The following SEMA6D variants were observed in gnomAD, a reference collection of about 807,000 sequenced individuals.
SEMA6D encodes the protein semaphorin-6D.
A neutral mutation model predicts 106.6 loss-of-function variants in SEMA6D; 35 were observed. The observed-to-expected ratio is 0.33, with a 90% CI of 0.25 to 0.44. The LOEUF (loss-of-function observed/expected upper bound fraction) is 0.44. SEMA6D is among the 20% of genes least tolerant of loss of function. The pLI is 1.00. For synonymous variants in SEMA6D, 499 were observed against 487.7 expected (o/e 1.02, Z -0.31); for missense variants, 1,185 against 1,345.9 (o/e 0.88, Z 1.87).
chr15:47,244,474 T>G (rs1488753515), intron 1 of SEMA6D, among the ~76,000 whole-genome samples: 1 of 152,188 alleles, frequency 6.6e-6, no homozygotes, highest in Non-Finnish European at 1.5e-5. Context: ...CTTACAGATA[T>G]GATCTCATTT....
chr15:47,596,506 G>A (rs1379357113), intron 3 of SEMA6D, among the ~76,000 whole-genome samples: 5 of 151,984 alleles, frequency 3.3e-5, no homozygotes, highest in African/African-American at 1.2e-4. Context: ...AAAGCTGGAG[G>A]CATCACACTA....
chr15:47,287,743 C>T (rs1267119572), intron 1 of SEMA6D, among the ~76,000 whole-genome samples: 2 of 152,182 alleles, frequency 1.3e-5, no homozygotes, highest in Admixed American at 1.3e-4. Flanking sequence ...CACTTATTCA[C>T]ATTCACTTCA....
intron 1 of SEMA6D, among the ~76,000 whole-genome samples, chr15:47,349,358 T>G (rs1216221817): frequency 6.6e-6 from 1 of 152,210 alleles, no homozygotes; most frequent in Non-Finnish European, 1.5e-5. Flanking sequence ...GAGGCACTTT[T>G]GTTTATTTGT....
chr15:47,387,340 C>T (rs1481312868), intron 1 of SEMA6D, among the ~76,000 whole-genome samples: 1 of 152,186 alleles, frequency 6.6e-6, no homozygotes, highest in African/African-American at 2.4e-5. Flanking sequence ...TTATACTCTG[C>T]TAGTGAAACA....
intron 2 of SEMA6D, among the ~76,000 whole-genome samples, chr15:47,454,599 GCACA>G (rs71118183): frequency 0.28 from 41,874 of 148,836 alleles, 6,149 homozygotes; most frequent in Middle Eastern, 0.44. Flanking sequence ...TTGCACATGT[GCACA>G]CACACACACA....
chr15:47,601,972 T>C (rs556002295), intron 4 of SEMA6D, among the ~76,000 whole-genome samples: 6 of 152,296 alleles, frequency 3.9e-5, no homozygotes, highest in South Asian at 2.1e-4. Context: ...TGTTTGTACA[T>C]AATAAGCAGA....
intron 3 of SEMA6D, among the ~76,000 whole-genome samples, chr15:47,591,317 A>C (rs1259633568): frequency 6.6e-6 from 1 of 152,228 alleles, no homozygotes; most frequent in Admixed American, 6.5e-5. Context: ...TTGGGGATTC[A>C]GTTCCAACAT....
intron 3 of SEMA6D, among the ~76,000 whole-genome samples, chr15:47,491,743 A>T (rs895848247): frequency 6.6e-6 from 1 of 152,222 alleles, no homozygotes; most frequent in African/African-American, 2.4e-5. Flanking sequence ...TAACTTGAGA[A>T]TATAAATATT....
intron 1 of SEMA6D, among the ~76,000 whole-genome samples, chr15:47,733,450 G>C (rs1052975035): frequency 1.3e-5 from 2 of 152,170 alleles, no homozygotes; most frequent in Non-Finnish European, 2.9e-5. Flanking sequence ...TCTACTGTCA[G>C]TGTTTTCTAG....
chr15:47,368,564 G>A (rs965720653), intron 1 of SEMA6D, among the ~76,000 whole-genome samples: 1 of 151,820 alleles, frequency 6.6e-6, no homozygotes, highest in Non-Finnish European at 1.5e-5. Flanking sequence ...TCCGCCTCCC[G>A]GGTTCACGCC....
At chr15:47,426,035 A>G (rs2041326228) in intron 2 of SEMA6D, among the ~76,000 whole-genome samples, 1 of 152,100 alleles carries the variant, frequency 6.6e-6, no homozygotes, top group African/African-American at 2.4e-5. Context: ...GTTATGCTCT[A>G]TATACTAATA....
At chr15:47,571,166 T>C (rs2046371018) in intron 3 of SEMA6D, among the ~76,000 whole-genome samples, 1 of 152,114 alleles carries the variant, frequency 6.6e-6, no homozygotes, top group African/African-American at 2.4e-5. Context: ...GACAGGGTCA[T>C]AAGTTCACTT....
In SEMA6D at chr15:47,620,685, G is replaced by C. The variant is rs2077081734; in HGVS notation, c.-55+19789G>C. 2.0e-5 allele frequency among the ~76,000 whole-genome samples: 3 copies of C among 146,458 alleles called. No homozygotes were observed. In the South Asian group the frequency reaches 6.8e-4, roughly 33 times the overall value. On this transcript the variant is annotated intron_variant, in intron 4 of 19. Coordinates refer to the SEMA6D transcript ENST00000558014. ...TCGTTGTGGCTGAGGGGTTTCACTT[G>C]CCTTTAAAATATATATATATATATA...
chr15:47,270,333 C>T (rs1303126364), intron 1 of SEMA6D, among the ~76,000 whole-genome samples: 3 of 151,550 alleles, frequency 2.0e-5, no homozygotes, highest in African/African-American at 7.3e-5. Flanking sequence ...TATCCTATAA[C>T]CTGGCCAAGT....
At chr15:47,517,641 C>T (rs1419749842) in intron 3 of SEMA6D, among the ~76,000 whole-genome samples, 1 of 152,046 alleles carries the variant, frequency 6.6e-6, no homozygotes, top group Non-Finnish European at 1.5e-5. Flanking sequence ...AAATCTTTAC[C>T]TGGGAGGGAA....
At position 47,356,333 on chromosome 15, in the gene SEMA6D, G is replaced by A. The variant is rs117509765; in HGVS notation, c.-238-56060G>A. Among the ~76,000 whole-genome samples the A allele has an allele frequency of 1.8e-4, 27 of 152,306 alleles. No individual in the cohort carries two copies. The East Asian group carries it at 5.0e-3, about 28-fold the overall frequency. ...GCTCTCCTGTCTCCAGAAAAGAACA[G>A]AATTCAACAATCTAGAGACTATGTG... is the stretch of plus-strand genomic sequence containing the variant. On this transcript the variant is annotated intron_variant, in intron 1 of 19. Transcript: ENST00000558014.
chr15:47,272,759 T>C (rs553453190), intron 1 of SEMA6D: 1 of 152,478 alleles, frequency 6.6e-6, no homozygotes, highest in Non-Finnish European at 1.5e-5. Flanking sequence ...ACATCCCCAA[T>C]AGAGGAAGAC....
intron 3 of SEMA6D, among the ~76,000 whole-genome samples, chr15:47,592,821 G>A (rs1273437203): frequency 1.3e-5 from 2 of 152,120 alleles, no homozygotes; most frequent in Non-Finnish European, 2.9e-5. Flanking sequence ...CATCGTAACT[G>A]CATATATATT....
chr15:47,629,348 C>A (rs1353068296), intron 4 of SEMA6D, among the ~76,000 whole-genome samples: 1 of 151,858 alleles, frequency 6.6e-6, no homozygotes, highest in Admixed American at 6.6e-5. Flanking sequence ...TGCATGAAAC[C>A]AATAGGTCAA....
Sources: allele counts gnomAD v4.1 joint callset (sites outside exome capture counted in the v4.1 genomes callset), GRCh38; gene constraint gnomAD v4.1.1; transcripts MANE v1.5; gene names NCBI Gene and HGNC (gene_info 2026-07-23, HGNC 2026-07-21).